The following GLRA2 variants were observed in gnomAD, a reference collection of about 807,000 sequenced individuals.
GLRA2 encodes the protein glycine receptor subunit alpha-2.
A neutral mutation model predicts 31.6 loss-of-function variants in GLRA2; 11 were observed. That is an observed-to-expected ratio of 0.35 (90% CI 0.22 to 0.58). The LOEUF (loss-of-function observed/expected upper bound fraction) is 0.58. GLRA2 is among the 20% of genes least tolerant of loss of function. The pLI, the probability that GLRA2 is intolerant of heterozygous loss-of-function variation, is 0.84. For missense variants in GLRA2, 212 were observed against 351.8 expected (o/e 0.60, Z 3.18); for synonymous variants, 132 against 134.0 (o/e 0.99, Z 0.10).
rs11796093 is a variant in GLRA2, at chrX:14,731,482, T to C, written c.*997T>C. On this transcript the variant is annotated 3_prime_UTR_variant, in exon 9 of 9. Transcript: ENST00000218075. ...CTTGAACTTTCCATTTCTGCTCTCA[T>C]TGTAGGTGTAACTACTAGTCCTAAT... is the stretch of plus-strand genomic sequence containing the variant. The C allele has an allele frequency of 0.27, 29,638 of 110,922 alleles. 3,087 individuals carry two copies. The highest frequency in any genetic ancestry group is 0.32 in the Non-Finnish European group (16,785 of 52,838). The allele number at this position is 110,922 out of a possible 1,213,427, so 9.1% of individuals were successfully genotyped here. A position where few individuals can be genotyped will look rare whatever the true frequency, so the allele number is the denominator to read the frequency against.
intron 7 of GLRA2, among the ~76,000 whole-genome samples, chrX:14,689,597 C>A (rs1396938953): frequency 8.9e-6 from 1 of 111,739 alleles, no homozygotes; most frequent in Admixed American, 9.5e-5. Context: ...CTCTTTACCC[C>A]AGTTTTCTCA....
At chrX:14,453,858 A>G in the GLRA2 span, among the ~76,000 whole-genome samples, 1 of 112,065 alleles carries the variant, frequency 8.9e-6, no homozygotes, top group East Asian at 2.8e-4. Flanking sequence ...TTACTCAGCA[A>G]TAAAAAGAAT....
At chrX:14,571,820 G>T (rs1018111343) in intron 2 of GLRA2, among the ~76,000 whole-genome samples, 46 of 111,158 alleles carry the variant, frequency 4.1e-4, no homozygotes, top group Non-Finnish European at 7.9e-4. Context: ...GATTAAGAAA[G>T]GTACAAACCA....
chrX:14,594,905 T>G (rs979882358), intron 4 of GLRA2, among the ~76,000 whole-genome samples: 4 of 104,040 alleles, frequency 3.8e-5, no homozygotes, highest in African/African-American at 1.4e-4. Context: ...CAAGCAGTGT[T>G]GCCATTTATC....
intron 7 of GLRA2, among the ~76,000 whole-genome samples, chrX:14,685,106 G>T (rs927396311): frequency 3.5e-4 from 39 of 111,765 alleles, no homozygotes; most frequent in Middle Eastern, 9.3e-3. Context: ...CCATTTATAC[G>T]CTGGATTACA....
intron 7 of GLRA2, among the ~76,000 whole-genome samples, chrX:14,664,457 T>C (rs1276045381): frequency 8.9e-6 from 1 of 112,098 alleles, no homozygotes; most frequent in South Asian, 3.7e-4. Flanking sequence ...TATTCTTTAT[T>C]TACAGAATTC....
At position 14,684,376 on chromosome X, in the gene GLRA2, G is replaced by T. The variant is rs187044297; in HGVS notation, c.931-6334G>T. 5.1e-3 allele frequency among the ~76,000 whole-genome samples: 566 copies of T among 111,491 alleles called. 11 individuals are homozygous for T. The highest frequency in any genetic ancestry group is 0.037 in the East Asian group (130 of 3,551). On this transcript the variant is annotated intron_variant, in intron 7 of 8. Coordinates refer to ENST00000218075, the MANE Select transcript of GLRA2 (RefSeq NM_002063.4). ...AGAAAGGCATTGGTAGCTTGATTGG[G>T]GATGGCATTGAATCTATAAATTACC...
chrX:14,448,857 C>G, the GLRA2 span, among the ~76,000 whole-genome samples: 1 of 110,630 alleles, frequency 9.0e-6, no homozygotes, highest in African/African-American at 3.3e-5. Context: ...AAGAGTTAAG[C>G]TGCTGACCCT....
At chrX:14,498,137 CA>C in the GLRA2 span, among the ~76,000 whole-genome samples, 56 of 101,438 alleles carry the variant, frequency 5.5e-4, no homozygotes, top group Admixed American at 1.4e-3. Context: ...CCTAAAAAAA[CA>C]AAAAAAAAAC....
intron 2 of GLRA2, among the ~76,000 whole-genome samples, chrX:14,539,932 A>G (rs766188966): frequency 9.0e-6 from 1 of 111,621 alleles, no homozygotes; most frequent in Non-Finnish European, 1.9e-5. Flanking sequence ...GGGAGCATAA[A>G]TGTAGGCACA....
chrX:14,596,338 C>T (rs1486633457), intron 4 of GLRA2, among the ~76,000 whole-genome samples: 4 of 111,426 alleles, frequency 3.6e-5, no homozygotes, highest in Non-Finnish European at 5.7e-5. Flanking sequence ...TCCTAACCCT[C>T]TTAGCAGCTC....
At chrX:14,578,564 A>C (rs992654366) in intron 3 of GLRA2, among the ~76,000 whole-genome samples, 4 of 112,457 alleles carry the variant, frequency 3.6e-5, no homozygotes, top group Non-Finnish European at 7.5e-5. Context: ...GGTCCCAAAG[A>C]CTTAGATGAC....
At chrX:14,463,371 T>G in the GLRA2 span, among the ~76,000 whole-genome samples, 11 of 111,577 alleles carry the variant, frequency 9.9e-5, no homozygotes, top group Non-Finnish European at 1.9e-4. Context: ...GGAGAACCAC[T>G]GCTCTCTTCA....
chrX:14,520,653 C>A, the GLRA2 span, among the ~76,000 whole-genome samples: 1 of 112,429 alleles, frequency 8.9e-6, no homozygotes, highest in Non-Finnish European at 1.9e-5. Context: ...CTGCATGGAG[C>A]CTGGAAGAGC....
the GLRA2 span, among the ~76,000 whole-genome samples, chrX:14,485,912 TTGTCTCCTGCTCTTCTC>T: frequency 1.2e-4 from 13 of 112,089 alleles, no homozygotes; most frequent in South Asian, 4.5e-3. Flanking sequence ...CTTTCTGACA[TTGTCTCCTGCTCTTCTC>T]CCTGCCCCAT....
At chrX:14,695,252 A>C (rs746155400) in intron 8 of GLRA2, among the ~76,000 whole-genome samples, 2 of 111,727 alleles carry the variant, frequency 1.8e-5, no homozygotes, top group Non-Finnish European at 3.8e-5. Flanking sequence ...AAATGGTGAC[A>C]AACCTTAGAT....
At chrX:14,671,291 C>T (rs1405286709) in intron 7 of GLRA2, among the ~76,000 whole-genome samples, 1 of 111,823 alleles carries the variant, frequency 8.9e-6, no homozygotes, top group Non-Finnish European at 1.9e-5. Context: ...GTGATAGGCT[C>T]TCCTGATCTA....
the GLRA2 span, among the ~76,000 whole-genome samples, chrX:14,493,520 C>CACACATATAT: frequency 9.7e-6 from 1 of 102,925 alleles, no homozygotes; most frequent in East Asian, 3.0e-4. Context: ...TATATATATA[C>CACACATATAT]ACACATATAT....
chrX:14,604,998 A>G (rs1339288581), intron 5 of GLRA2, among the ~76,000 whole-genome samples: 3 of 111,192 alleles, frequency 2.7e-5, no homozygotes, highest in Non-Finnish European at 5.7e-5. Flanking sequence ...GCAAGTAGAA[A>G]AAGGCCATCT....
Sources: gnomAD v4.1 joint callset for allele counts (sites outside exome capture counted in the v4.1 genomes callset) on GRCh38, gnomAD v4.1.1 for gene constraint, MANE v1.5 for transcripts, NCBI Gene and HGNC (gene_info 2026-07-23, HGNC 2026-07-21) for gene names.